INPP4A: variants seen among roughly 807,000 people sequenced by gnomAD.
INPP4A encodes the protein inositol polyphosphate-4-phosphatase type I A, also known as inositol polyphosphate-4-phosphatase, type I, 107kD.
Under a neutral mutation model 119.8 loss-of-function variants are expected in INPP4A, and 33 were observed. That is an observed-to-expected ratio of 0.28 (90% CI 0.21 to 0.37). The LOEUF (loss-of-function observed/expected upper bound fraction) is 0.37, where lower values mean the gene tolerates loss of function less well. Ranked by LOEUF, INPP4A falls within the 10% of genes least tolerant of loss-of-function variation. INPP4A has a pLI of 1.00. For missense variants in INPP4A, 956 were observed against 1,289.9 expected (o/e 0.74, Z 3.97); for synonymous variants, 496 against 500.7 (o/e 0.99, Z 0.12).
intron 1 of INPP4A, among the ~76,000 whole-genome samples, chr2:98,461,809 A>G (rs1697206301): frequency 2.0e-5 from 3 of 152,130 alleles, no homozygotes; most frequent in East Asian, 3.9e-4. Flanking sequence ...ACTGGCCCAC[A>G]AGGAGTTTTG....
intron 1 of INPP4A, among the ~76,000 whole-genome samples, chr2:98,461,625 C>T (rs1574510010): frequency 6.6e-6 from 1 of 152,260 alleles, no homozygotes; most frequent in East Asian, 1.9e-4. Context: ...CCTACCCTAT[C>T]CTCTAGCCAT....
In INPP4A at chr2:98,564,636, A is replaced by C. The variant is rs1260304138; in HGVS notation, c.2029-4A>C. The C allele has an allele frequency of 6.2e-7, 1 of 1,613,116 alleles. No homozygotes were observed. Among genetic ancestry groups the C allele is most frequent in the Non-Finnish European group, 8.5e-7 (1 of 1,179,836 alleles). On this transcript the variant is annotated splice_polypyrimidine_tract_variant and splice_region_variant and intron_variant, in intron 18 of 24. Transcript: ENST00000409851. ...CTGAACCTCTTCACCCCACGCTCCC[A>C]CAGCTGACCGCCCTCATCTGCGGCT...
intron 24 of INPP4A, among the ~76,000 whole-genome samples, chr2:98,586,250 A>G (rs940711024): frequency 6.6e-6 from 1 of 152,206 alleles, no homozygotes; most frequent in African/African-American, 2.4e-5. Flanking sequence ...TGAATAAAAA[A>G]TACTGTCTTA....
At chr2:98,472,764 G>A (rs1676314607) in intron 1 of INPP4A, among the ~76,000 whole-genome samples, 1 of 152,236 alleles carries the variant, frequency 6.6e-6, no homozygotes, top group South Asian at 2.1e-4. Flanking sequence ...TACAGAAGAG[G>A]GCATTGGGGC....
At position 98,570,413 on chromosome 2, in the gene INPP4A, C is replaced by T. The variant is rs188022843; in HGVS notation, c.2518+1745C>T. Among the ~76,000 whole-genome samples the T allele has an allele frequency of 3.0e-4, 46 of 152,248 alleles. No homozygotes were observed. Among genetic ancestry groups the T allele is most frequent in the African/African-American group, 1.0e-3 (42 of 41,538 alleles). The stretch of plus-strand genomic sequence containing the variant: ...AGGCAGGAGCCAGGAGGGTGTGGGG[C>T]GCTGCCGGACACTGGATGTGTGGAC... On this transcript the variant is annotated intron_variant, in intron 22 of 24. Coordinates refer to ENST00000409851, the MANE Select transcript of INPP4A (RefSeq NM_001134225.2). This position sits in a 1 kb window ranked among gnomAD's most constrained non-coding sequence, Gnocchi z 4.3.
At chr2:98,491,173 CT>C (rs1462502755) in intron 1 of INPP4A, among the ~76,000 whole-genome samples, 3 of 152,214 alleles carry the variant, frequency 2.0e-5, no homozygotes, top group Non-Finnish European at 4.4e-5. Flanking sequence ...GCTTTGTGCA[CT>C]TCCTTAGGAT....
chr2:98,467,749 GT>G (rs1574552959), intron 1 of INPP4A, among the ~76,000 whole-genome samples: 1 of 152,002 alleles, frequency 6.6e-6, no homozygotes, highest in African/African-American at 2.4e-5. Flanking sequence ...CCATAATAAC[GT>G]TTTTCTGATT....
chr2:98,556,952 T>C (rs1694602485), intron 16 of INPP4A, among the ~76,000 whole-genome samples: 1 of 152,268 alleles, frequency 6.6e-6, no homozygotes, highest in African/African-American at 2.4e-5. Context: ...TTCTCTTTTT[T>C]ATGTGAATCG....
intron 1 of INPP4A, among the ~76,000 whole-genome samples, chr2:98,472,365 C>G (rs1428227981): frequency 6.6e-6 from 1 of 152,246 alleles, no homozygotes; most frequent in African/African-American, 2.4e-5. Context: ...CGTGCACAGA[C>G]TCGAGTCCCC....
intron 1 of INPP4A, among the ~76,000 whole-genome samples, chr2:98,479,476 A>C (rs180997884): frequency 6.6e-6 from 1 of 152,314 alleles, no homozygotes; most frequent in African/African-American, 2.4e-5. Context: ...GGTTTGAAGC[A>C]GCTTGCTCCA....
At position 98,578,312 on chromosome 2, in the gene INPP4A, C is replaced by T. The variant is rs140063351; in HGVS notation, c.2786+1169C>T. Among the ~76,000 whole-genome samples, 1,112 of 152,262 alleles carry T rather than the reference C, an allele frequency of 7.3e-3. 5 individuals are homozygous for T. Among genetic ancestry groups the T allele is most frequent in the Non-Finnish European group, 0.012 (810 of 68,020 alleles). On this transcript the variant is annotated intron_variant, in intron 24 of 24. Coordinates refer to ENST00000409851, the MANE Select transcript of INPP4A (RefSeq NM_001134225.2). Reference sequence around the variant, plus strand: ...GCCACGCCTGTGCCCATTAGCTGCACGGTGGTGGGAGGGGACATTCTGGTG... The same window carrying T: ...GCCACGCCTGTGCCCATTAGCTGCATGGTGGTGGGAGGGGACATTCTGGTG...
intron 1 of INPP4A, among the ~76,000 whole-genome samples, chr2:98,447,716 G>T (rs1694435830): frequency 1.3e-5 from 2 of 152,098 alleles, no homozygotes; most frequent in Non-Finnish European, 2.9e-5. Context: ...ATAGTAAGTT[G>T]CAGGCTTGAG....
At chr2:98,487,819 T>C (rs1679866261) in intron 1 of INPP4A, among the ~76,000 whole-genome samples, 4 of 152,222 alleles carry the variant, frequency 2.6e-5, no homozygotes, top group Admixed American at 2.6e-4. Context: ...CAAGCTCTGA[T>C]TGGTGAGTGT....
chr2:98,539,707 C>A lies in INPP4A; in HGVS notation c.818+32C>A, dbSNP rs775868682. The A allele has an allele frequency of 3.2e-6, 5 of 1,587,108 alleles. No homozygotes were observed. The East Asian group carries it at 1.2e-4, about 37-fold the overall frequency. On this transcript the variant is annotated intron_variant, in intron 10 of 24. Coordinates refer to ENST00000409851, the MANE Select transcript of INPP4A (RefSeq NM_001134225.2). ...CCACATGGAAGGACTGACTGTCCAT[C>A]ATACCCATGTCATGTGCCCCTTCCT...
chr2:98,572,887 G>A lies in INPP4A; in HGVS notation c.2591G>A (p.Arg864Gln), dbSNP rs751388671. 19 of 1,579,890 alleles carry A rather than the reference G, an allele frequency of 1.2e-5. No individual in the cohort carries two copies. Among genetic ancestry groups the A allele is most frequent in the East Asian group, 2.3e-5 (1 of 43,060 alleles). ...LRFLGQNVHA[R>Q]KNKNVDILWQ... is the part of the protein sequence containing the mutation. ...TTTCTGGGTCAGAACGTGCATGCCC[G>A]GAAGAATAAGAACGTCGACATTCTC... is the stretch of plus-strand genomic sequence containing the variant. The change falls in exon 23 of 25, where the codon CGG becomes CAG. Residue 864 changes from arginine (R) to glutamine (Q), a missense_variant. Physicochemically the swap from Arg to Gln is conservative, Grantham distance 43. Around this residue, in one of 2 missense-constraint regions of INPP4A, gnomAD observed 304 missense variants for 492.1 expected, o/e 0.62. Transcript: ENST00000409851.
intron 5 of INPP4A, among the ~76,000 whole-genome samples, chr2:98,534,935 T>C (rs1276059713): frequency 6.6e-6 from 1 of 152,192 alleles, no homozygotes; most frequent in African/African-American, 2.4e-5. Context: ...TTTAGCCTGC[T>C]TGGAAAGGGA....
At position 98,555,819 on chromosome 2, in the gene INPP4A, A is replaced by G; in HGVS notation, c.1822+11A>G. The G allele has an allele frequency of 6.5e-7, 1 of 1,544,676 alleles. No homozygotes were observed. The highest frequency in any genetic ancestry group is 8.8e-7 in the Non-Finnish European group (1 of 1,140,964). On this transcript the variant is annotated intron_variant, in intron 16 of 24. Transcript: ENST00000409851. The stretch of plus-strand genomic sequence containing the variant: ...CTCATCTGACCACACGTGCGTATGC[A>G]TCCATGCTTCCCATATGCTGCCTCC...
intron 4 of INPP4A, among the ~76,000 whole-genome samples, chr2:98,524,836 C>T (rs1305968267): frequency 6.6e-6 from 1 of 152,218 alleles, no homozygotes; most frequent in East Asian, 1.9e-4. Flanking sequence ...GGAGAACTTT[C>T]AAACTCAGGG....
At chr2:98,535,033 C>T (rs536382970) in intron 5 of INPP4A, among the ~76,000 whole-genome samples, 1 of 152,300 alleles carries the variant, frequency 6.6e-6, no homozygotes, top group South Asian at 2.1e-4. Context: ...GCTGTCCAGT[C>T]AGCTTGACCA....
Sources: gnomAD v4.1 joint callset for allele counts (sites outside exome capture counted in the v4.1 genomes callset) on GRCh38, gnomAD v4.1.1 for gene constraint, gnomAD v4.1.1 regional missense constraint, Gnocchi (gnomAD v3.1) non-coding constraint, MANE v1.5 for transcripts, NCBI Gene and HGNC (gene_info 2026-07-23, HGNC 2026-07-21) for gene names.